The following TMEM59 variants were observed in gnomAD, a reference collection of about 807,000 sequenced individuals.
TMEM59 encodes dendritic cell factor 1.
In TMEM59, 44 loss-of-function variants were observed where a neutral mutation model predicts 42.2. That is an observed-to-expected ratio of 1.04 (90% CI 0.82 to 1.34). The LOEUF (loss-of-function observed/expected upper bound fraction) is 1.34. Among genes scored for constraint, TMEM59 ranks in the 40% most tolerant of loss-of-function variants. The probability of loss-of-function intolerance (pLI) is 0.00; values close to 1 mark genes in which losing one functional copy is unlikely to be tolerated. For synonymous variants in TMEM59, 148 were observed against 145.8 expected (o/e 1.02, Z -0.11); for missense variants, 359 against 382.8 (o/e 0.94, Z 0.52).
chr1:54,032,463 T>C (rs1260857899), intron 7 of TMEM59, among the ~76,000 whole-genome samples, 158 bp from the exon 8 acceptor site: 1 of 152,258 alleles, frequency 6.6e-6, no homozygotes, highest in Non-Finnish European at 1.5e-5. Context: ...GTTGTAGATA[T>C]GTGATTCAGC....
chr1:54,049,030 T>C (rs376611346), intron 1 of TMEM59, among the ~76,000 whole-genome samples: 2 of 152,230 alleles, frequency 1.3e-5, no homozygotes, highest in East Asian at 3.8e-4. Flanking sequence ...AAAGGAAGCA[T>C]AAGCTCATTA....
Position 54,029,252 on chromosome 1 carries a change from A to G in TMEM59, c.*2898T>C, listed in dbSNP as rs147899377. The G allele has an allele frequency of 5.2e-4, 79 of 152,312 alleles. No individual in the cohort carries two copies. The highest frequency in any genetic ancestry group is 1.7e-3 in the African/African-American group (72 of 41,558). 9.4% of individuals were successfully genotyped at this position (152,312 alleles called of 1,614,324 possible). ...AGTAATTTCTGATTTACTACAAAAC[A>G]TATCACAAATGAAAGGTGCCCATGA... On this transcript the variant is annotated 3_prime_UTR_variant, in exon 8 of 8. Coordinates refer to ENST00000234831, the MANE Select transcript of TMEM59 (RefSeq NM_004872.5).
chr1:54,053,179 G>A lies in TMEM59; in HGVS notation c.10C>T (p.Pro4Ser). 6.2e-7 allele frequency: 1 copy of A among 1,614,074 alleles called. No individual in the cohort carries two copies. The highest frequency in any genetic ancestry group is 8.5e-7 in the Non-Finnish European group (1 of 1,179,990). The change falls in exon 1 of 8, where the codon CCG becomes TCG. Residue 4 changes from proline (P) to serine (S), a missense_variant. Physicochemically the swap from Pro to Ser is moderately conservative, Grantham distance 74. Coordinates refer to ENST00000234831, the MANE Select transcript of TMEM59 (RefSeq NM_004872.5). ...GTCCTCACCCAGAGGCTCCCCTTCG[G>A]CGCCGCCATCTTGTTCCCCTCTGTC... MAAPKGSLWVRTQL... is the reference protein window; with the variant it reads MAASKGSLWVRTQL...
At chr1:54,053,327 C>T, upstream of TMEM59, 1 of 1,023,060 alleles carries the variant, frequency 9.8e-7, no homozygotes, top group Non-Finnish European at 1.4e-6. Flanking sequence ...CCGCCCTCAC[C>T]CGCCAGAAAC....
chr1:54,035,155 T>A (rs1656903771), intron 7 of TMEM59, among the ~76,000 whole-genome samples: 1 of 152,232 alleles, frequency 6.6e-6, no homozygotes, highest in Non-Finnish European at 1.5e-5. Context: ...CTACATCAAT[T>A]ATATCACCTT....
At chr1:54,036,816 T>C (rs1188675652) in intron 6 of TMEM59, 98 bp from the exon 7 acceptor site, 2 of 688,748 alleles carry the variant, frequency 2.9e-6, no homozygotes, top group African/African-American at 3.7e-5. Context: ...AACAGTACAA[T>C]TAAAACTTTG....
At position 54,032,055 on chromosome 1, in the gene TMEM59, T is replaced by C; in HGVS notation, c.*95A>G. The C allele has an allele frequency of 8.8e-7, 1 of 1,135,466 alleles. No individual in the cohort carries two copies. Among genetic ancestry groups the C allele is most frequent in the Non-Finnish European group, 1.2e-6 (1 of 850,496 alleles). The allele number at this position is 1,135,466 out of a possible 1,614,324, so 70.3% of individuals were successfully genotyped here. On this transcript the variant is annotated 3_prime_UTR_variant, in exon 8 of 8. Coordinates refer to ENST00000234831, the MANE Select transcript of TMEM59 (RefSeq NM_004872.5). ...AACTTTATTTGCATTTTATAGTGATTTCTTAAGGCCTATATCCAATGAAAC... is the reference window on the plus strand; with the variant it reads ...AACTTTATTTGCATTTTATAGTGATCTCTTAAGGCCTATATCCAATGAAAC...
chr1:54,033,689 C>T (rs989119657), intron 7 of TMEM59: 13 of 150,826 alleles, frequency 8.6e-5, no homozygotes, highest in African/African-American at 3.2e-4. Flanking sequence ...AAGTTAGAAA[C>T]TGAAGTGCTG....
At position 54,045,777 on chromosome 1, in the gene TMEM59, T is replaced by A; in HGVS notation, c.305A>T (p.Glu102Val). Residue 102 changes from glutamate (E) to valine (V), a missense_variant, in exon 3 of 8, where the codon GAA (glutamate) becomes GTA (valine). Transcript: ENST00000234831. ...TKLECESACT[E>V]AYSQSDEQYA... ...TTGCTCATCAGATTGGGAATATGCT[T>A]CTGTACATGCTGTAAGAGAAAAATA... The A allele has an allele frequency of 6.2e-7, 1 of 1,613,386 alleles. No homozygotes were observed. The highest frequency in any genetic ancestry group is 1.1e-5 in the South Asian group (1 of 90,942).
chr1:54,053,356 C>T (rs1039551082), upstream of TMEM59: 3 of 723,368 alleles, frequency 4.1e-6, no homozygotes, highest in Non-Finnish European at 6.7e-6. Flanking sequence ...CCTGCCTCAC[C>T]TCTGGGACTA....
chr1:54,048,628 TG>T, intron 1 of TMEM59: 1 of 421,594 alleles, frequency 2.4e-6, no homozygotes, highest in East Asian at 7.7e-5. Flanking sequence ...CTATTGCATA[TG>T]GGGGAGCCCC....
chr1:54,052,106 T>G (rs1382292824), intron 1 of TMEM59, among the ~76,000 whole-genome samples: 1 of 151,884 alleles, frequency 6.6e-6, no homozygotes, highest in Admixed American at 6.6e-5. Context: ...CAACAAAAGC[T>G]CTCATAAAAC....
At chr1:54,041,385 G>T (rs1371537939) in intron 5 of TMEM59, among the ~76,000 whole-genome samples, 1 of 152,236 alleles carries the variant, frequency 6.6e-6, no homozygotes, top group Non-Finnish European at 1.5e-5. Flanking sequence ...ATTAGTTCAT[G>T]CTCAAAACAT....
intron 4 of TMEM59, among the ~76,000 whole-genome samples, chr1:54,042,640 T>A (rs1196016089): frequency 6.6e-6 from 1 of 152,164 alleles, no homozygotes; most frequent in African/African-American, 2.4e-5. Flanking sequence ...TGCCACAACA[T>A]AAACTCTGTT....
At position 54,032,159 on chromosome 1, in the gene TMEM59, A is replaced by G. The variant is rs1411067938; in HGVS notation, c.963T>C (p.Ser321=). 1 of 1,605,222 alleles carries G rather than the reference A, an allele frequency of 6.2e-7. No individual in the cohort carries two copies. The highest frequency in any genetic ancestry group is 8.5e-7 in the Non-Finnish European group (1 of 1,176,600). ...PLPTKVNLAH[S]EI is the part of the protein sequence containing the mutation. ...TTTAAAAGAAAAATGCTTAAATTTC[A>G]GAATGAGCAAGATTCACTTTTGTAG... Residue 321 remains serine (S), a synonymous_variant, in exon 8 of 8, where the codon TCT becomes TCC. Transcript: ENST00000234831.
At chr1:54,047,915 C>G (rs1279081794) in intron 1 of TMEM59, 2 of 154,618 alleles carry the variant, frequency 1.3e-5, no homozygotes, top group Non-Finnish European at 2.9e-5. Flanking sequence ...GTACAGTGAG[C>G]TATAATCACA....
In TMEM59 at chr1:54,037,899, G is replaced by A. The variant is rs534948078; in HGVS notation, c.708-1181C>T. 3.0e-4 allele frequency among the ~76,000 whole-genome samples: 46 copies of A among 152,234 alleles called. No individual in the cohort carries two copies. The South Asian group carries it at 9.5e-3, about 32-fold the overall frequency. ...ACTAAGGAATTTACCACAAAATGAG[G>A]ATATATTTGATATCTAGATTCCAGT... On this transcript the variant is annotated intron_variant, in intron 6 of 7. Coordinates refer to ENST00000234831, the MANE Select transcript of TMEM59 (RefSeq NM_004872.5).
Position 54,053,065 on chromosome 1 carries a change from A to C in TMEM59, c.124T>G (p.Leu42Val). Reference protein sequence around the residue: ...TASAEAFDSVLGDTASCHRAC... With the variant: ...TASAEAFDSVVGDTASCHRAC... ...CGGTGGCAAGACGCCGTATCACCCA[A>C]GACCGAGTCAAATGCTTCAGCCGAA... is the stretch of plus-strand genomic sequence containing the variant. The change falls in exon 1 of 8, where the codon TTG becomes GTG. Residue 42 changes from leucine to valine, a missense_variant. Coordinates refer to ENST00000234831, the MANE Select transcript of TMEM59 (RefSeq NM_004872.5). 3 of 1,614,246 alleles carry C rather than the reference A, an allele frequency of 1.9e-6. No homozygotes were observed. The highest frequency in any genetic ancestry group is 2.7e-5 in the African/African-American group (2 of 75,068).
At position 54,040,746 on chromosome 1, in the gene TMEM59, G is replaced by A. The variant is rs766610397; in HGVS notation, c.707+10C>T. 1 of 1,600,588 alleles carries A rather than the reference G, an allele frequency of 6.2e-7. No homozygotes were observed. The highest frequency in any genetic ancestry group is 1.7e-5 in the Admixed American group (1 of 59,960). On this transcript the variant is annotated intron_variant, in intron 6 of 7. Coordinates refer to ENST00000234831, the MANE Select transcript of TMEM59 (RefSeq NM_004872.5). The stretch of plus-strand genomic sequence containing the variant: ...TATCTGTTATACACATAATAAAGAG[G>A]AATACATACAGAGAGAGGCATCTTA...
Sources: allele counts gnomAD v4.1 joint callset (sites outside exome capture counted in the v4.1 genomes callset), GRCh38; gene constraint gnomAD v4.1.1; transcripts MANE v1.5; gene names NCBI Gene and HGNC (gene_info 2026-07-23, HGNC 2026-07-21).